The following SORT1 variants were observed in gnomAD, a reference collection of about 807,000 sequenced individuals.
SORT1 encodes the protein sortilin.
A neutral mutation model predicts 101.7 loss-of-function variants in SORT1; 39 were observed. The observed-to-expected ratio is 0.38, with a 90% CI of 0.30 to 0.50. The LOEUF is 0.50. SORT1 is among the 20% of genes least tolerant of loss of function. The pLI is 0.90. For synonymous variants in SORT1, 396 were observed against 393.7 expected (o/e 1.01, Z -0.07); for missense variants, 878 against 1,040.4 (o/e 0.84, Z 2.15).
At chr1:109,327,772 A>T (rs1648183173) in intron 11 of SORT1, among the ~76,000 whole-genome samples, 171 bp from the exon 12 acceptor site, 1 of 152,228 alleles carries the variant, frequency 6.6e-6, no homozygotes. Context: ...TGTTAAGTAT[A>T]TTCACATTGT....
At chr1:109,378,500 G>A (rs1440408362) in intron 1 of SORT1, among the ~76,000 whole-genome samples, 1 of 150,988 alleles carries the variant, frequency 6.6e-6, no homozygotes, top group Admixed American at 6.6e-5. Context: ...AAAGTAAGAA[G>A]AATAAATGAA....
chr1:109,364,087 A>G (rs1650920656), intron 3 of SORT1, among the ~76,000 whole-genome samples: 2 of 152,218 alleles, frequency 1.3e-5, no homozygotes, highest in African/African-American at 4.8e-5. Context: ...AAACAAAAAA[A>G]GAAACAAAAA....
chr1:109,350,793 C>G (rs1274748528), intron 6 of SORT1, 136 bp downstream of exon 6: 1 of 676,466 alleles, frequency 1.5e-6, no homozygotes, highest in Non-Finnish European at 2.7e-6. Flanking sequence ...GTGTCACACC[C>G]CTCTCCAATA....
intron 10 of SORT1, among the ~76,000 whole-genome samples, chr1:109,339,262 T>G (rs1649052814): frequency 6.6e-6 from 1 of 152,192 alleles, no homozygotes; most frequent in Admixed American, 6.5e-5. Context: ...GGCTCAGTCT[T>G]AAATGTTTTT....
At chr1:109,382,080 A>G (rs1304929443) in intron 1 of SORT1, among the ~76,000 whole-genome samples, 1 of 152,090 alleles carries the variant, frequency 6.6e-6, no homozygotes, top group Non-Finnish European at 1.5e-5. Context: ...AAGGAAGGAA[A>G]GAAAAAGTAT....
intron 7 of SORT1, among the ~76,000 whole-genome samples, chr1:109,346,776 C>A (rs1649635732): frequency 6.7e-6 from 1 of 150,028 alleles, no homozygotes; most frequent in African/African-American, 2.4e-5. Flanking sequence ...CCACAGCATG[C>A]TGCTTTACTT....
chr1:109,385,511 T>C (rs1026301459), intron 1 of SORT1, among the ~76,000 whole-genome samples: 5 of 152,246 alleles, frequency 3.3e-5, no homozygotes, highest in Non-Finnish European at 5.9e-5. Context: ...TTAATTGTTA[T>C]ATCTTAGTTC....
chr1:109,355,175 G>A (rs769627216), intron 4 of SORT1, among the ~76,000 whole-genome samples, 192 bp downstream of exon 4: 4 of 152,032 alleles, frequency 2.6e-5, no homozygotes, highest in Non-Finnish European at 4.4e-5. Flanking sequence ...GAGCCGTGAC[G>A]GTATCACTGC....
chr1:109,340,454 A>G (rs1649135129), intron 10 of SORT1, among the ~76,000 whole-genome samples: 1 of 152,086 alleles, frequency 6.6e-6, no homozygotes, highest in African/African-American at 2.4e-5. Flanking sequence ...TCTATTTGGG[A>G]TGATGAAAAA....
chr1:109,390,126 G>C (rs1022401232), intron 1 of SORT1, among the ~76,000 whole-genome samples: 4 of 151,856 alleles, frequency 2.6e-5, no homozygotes, highest in African/African-American at 9.7e-5. Flanking sequence ...TACTTCCTTC[G>C]TGCCGTTACA....
chr1:109,348,866 G>A (rs1375258713), intron 6 of SORT1, among the ~76,000 whole-genome samples: 1 of 152,076 alleles, frequency 6.6e-6, no homozygotes, highest in Non-Finnish European at 1.5e-5. Context: ...CGACTGGGAA[G>A]GCTGAAGTGC....
intron 1 of SORT1, among the ~76,000 whole-genome samples, chr1:109,388,550 A>G (rs926399204): frequency 6.6e-6 from 1 of 152,184 alleles, no homozygotes; most frequent in Non-Finnish European, 1.5e-5. Context: ...CAGGGCTAAT[A>G]TGTCTTAATC....
At chr1:109,330,942 CTAATA>C (rs1648420857) in intron 11 of SORT1, among the ~76,000 whole-genome samples, 2 of 152,058 alleles carry the variant, frequency 1.3e-5, no homozygotes, top group African/African-American at 4.8e-5. Flanking sequence ...TCTGAACATA[CTAATA>C]TGAGTAAGGA....
At chr1:109,356,397 A>G (rs1650327341) in intron 3 of SORT1, among the ~76,000 whole-genome samples, 1 of 152,196 alleles carries the variant, frequency 6.6e-6, no homozygotes, top group African/African-American at 2.4e-5. Flanking sequence ...CAATGGGAGC[A>G]CAGAGAAGGT....
At chr1:109,317,054 G>T in intron 16 of SORT1, 96 bp from the exon 17 acceptor site, 2 of 791,146 alleles carry the variant, frequency 2.5e-6, no homozygotes, top group Non-Finnish European at 4.2e-6. Flanking sequence ...CTGCCGAAAA[G>T]CTTCCCATCC....
At chr1:109,390,808 C>T (rs1652872098) in intron 1 of SORT1, among the ~76,000 whole-genome samples, 1 of 146,852 alleles carries the variant, frequency 6.8e-6, no homozygotes, top group Non-Finnish European at 1.5e-5. Flanking sequence ...TGCGCGCGCG[C>T]GTTTTAGGAC....
chr1:109,381,764 C>G (rs1419159299), intron 1 of SORT1, among the ~76,000 whole-genome samples: 2 of 152,008 alleles, frequency 1.3e-5, no homozygotes, highest in Non-Finnish European at 2.9e-5. Context: ...AAGCACCTGT[C>G]GTCCCAGATA....
intron 1 of SORT1, among the ~76,000 whole-genome samples, chr1:109,382,716 A>G (rs1470844753): frequency 2.0e-5 from 3 of 152,328 alleles, no homozygotes; most frequent in Non-Finnish European, 2.9e-5. Context: ...TGGGAAGCAG[A>G]AGTAACTGGC....
At chr1:109,351,768 T>C (rs1369204153) in intron 5 of SORT1, among the ~76,000 whole-genome samples, 1 of 152,174 alleles carries the variant, frequency 6.6e-6, no homozygotes, top group Admixed American at 6.6e-5. Flanking sequence ...GGTGGAGTAC[T>C]TGGACGTGAA....
Sources: allele counts gnomAD v4.1 joint callset (sites outside exome capture counted in the v4.1 genomes callset), GRCh38; gene constraint gnomAD v4.1.1; transcripts MANE v1.5; gene names NCBI Gene and HGNC (gene_info 2026-07-23, HGNC 2026-07-21).